Variants in AGAP9 observed in about 807,000 individuals in gnomAD.
The protein encoded by AGAP9 is arf-GAP with GTPase, ANK repeat and PH domain-containing protein 9.
Under a neutral mutation model 55.6 loss-of-function variants are expected in AGAP9, and 23 were observed. The ratio of observed to expected loss-of-function variants is 0.41; its 90% CI spans 0.30 to 0.59. AGAP9 has a LOEUF of 0.59. Among genes scored for constraint, AGAP9 ranks in the 20% least tolerant of loss-of-function variants. The pLI, the probability that AGAP9 is intolerant of heterozygous loss-of-function variation, is 0.25. For missense variants in AGAP9, 309 were observed against 808.1 expected (o/e 0.38, Z 7.49); for synonymous variants, 120 against 305.0 (o/e 0.39, Z 6.32).
In AGAP9 at chr10:47,507,577, G is replaced by A; in HGVS notation, c.504C>T (p.Thr168=). 1 of 1,529,490 alleles carries A rather than the reference G, an allele frequency of 6.5e-7. No homozygotes were observed. The highest frequency in any genetic ancestry group is 1.1e-5 in the South Asian group (1 of 87,482). 94.7% of individuals were successfully genotyped at this position (1,529,490 alleles called of 1,614,324 possible). Residue 168 remains threonine (T), a synonymous_variant, in exon 6 of 8, where the codon ACC becomes ACT. Coordinates refer to ENST00000452145, the MANE Select transcript of AGAP9 (RefSeq NM_001190810.1). ...HYLTMTIISV[T]LEIPHHITQR... ...GTGTGATATGATGAGGTATCTCCAA[G>A]GTCACACTGTGGAAGGAAAACAAAT...
rs1840508882 is a variant in AGAP9 at position 47,507,556 on chromosome 10, G to T, written c.525C>A (p.Ile175=). 19 of 1,527,148 alleles carry T rather than the reference G, an allele frequency of 1.2e-5. 4 individuals carry two copies. Among genetic ancestry groups the T allele is most frequent in the Non-Finnish European group, 1.5e-5 (17 of 1,140,328 alleles). 94.6% of individuals were successfully genotyped at this position (1,527,148 alleles called of 1,614,324 possible). A position where few individuals can be genotyped will look rare whatever the true frequency, so the allele number is the denominator to read the frequency against. ...GTTTCTAAAAAGCTCACCTTTGTGT[G>T]ATATGATGAGGTATCTCCAAGGTCA... ...ISVTLEIPHH[I]TQRDADRSLS... Residue 175 remains isoleucine (I), a synonymous_variant, in exon 6 of 8, where the codon ATC becomes ATA. Coordinates refer to ENST00000452145, the MANE Select transcript of AGAP9 (RefSeq NM_001190810.1).
chr10:47,502,307 C>G lies in AGAP9; in HGVS notation c.1822G>C (p.Ala608Pro), dbSNP rs1405833976. The change falls in exon 8 of 8, where the codon GCA becomes CCA. Residue 608 changes from alanine to proline, a missense_variant. Transcript: ENST00000452145. ...EDLQTAILLL[A>P]HGSREEVNET... ...TTCACCTCCTCACGGGAGCCATGTG[C>G]CAGCAGCAGGATGGCTGTCTGCAGG... 1.2e-6 allele frequency: 2 copies of G among 1,602,738 alleles called. No individual in the cohort carries two copies. The highest frequency in any genetic ancestry group is 3.4e-5 in the Admixed American group (2 of 58,980).
At chr10:47,507,884 G>A (rs1320299565) in intron 5 of AGAP9, among the ~76,000 whole-genome samples, 1 of 98,138 alleles carries the variant, frequency 1.0e-5, no homozygotes, top group Admixed American at 1.1e-4. Flanking sequence ...CGTCCCATGC[G>A]ATTTATTTTA....
Position 47,502,834 on chromosome 10 carries a change from T to C in AGAP9, c.1295A>G (p.Asp432Gly). The stretch of plus-strand genomic sequence containing the variant: ...GCTCTGGATGGCTTGGACCCAGGCA[T>C]CCCGCTCCTCATACGTCGTGGCTTC... ...HFEATTYEER[D>G]AWVQAIQSQI... is the part of the protein sequence containing the mutation. The change falls in exon 8 of 8, where the codon GAT becomes GGT. Residue 432 changes from aspartate (D) to glycine (G), a missense_variant. Asp to Gly is a moderately conservative substitution (Grantham distance 94). Transcript: ENST00000452145. The C allele has an allele frequency of 6.2e-7, 1 of 1,601,678 alleles. No homozygotes were observed. The highest frequency in any genetic ancestry group is 1.4e-5 in the African/African-American group (1 of 73,004).
intron 2 of AGAP9, among the ~76,000 whole-genome samples, chr10:47,520,807 C>A (rs1840808748): frequency 2.6e-5 from 2 of 76,518 alleles, no homozygotes; most frequent in Admixed American, 1.7e-4. Flanking sequence ...TTGAGGCCAG[C>A]ATGAGTAACA....
chr10:47,504,004 C>T (rs879049348), intron 7 of AGAP9, among the ~76,000 whole-genome samples, 185 bp downstream of exon 7: 7 of 115,548 alleles, frequency 6.1e-5, no homozygotes, highest in East Asian at 7.9e-4. Context: ...TATTTACTCA[C>T]ACTAGCTCAC....
intron 2 of AGAP9, among the ~76,000 whole-genome samples, chr10:47,522,266 A>C (rs1840863496): frequency 6.9e-6 from 1 of 144,222 alleles, no homozygotes; most frequent in African/African-American, 2.6e-5. Context: ...TTGACCGTGA[A>C]CCAATCCCCA....
intron 5 of AGAP9, among the ~76,000 whole-genome samples, chr10:47,508,158 G>A (rs1331564585): frequency 8.1e-5 from 8 of 98,674 alleles, no homozygotes; most frequent in Admixed American, 3.5e-4. Flanking sequence ...TCTGCCTCCC[G>A]GGTTCAAGAG....
Position 47,520,507 on chromosome 10 carries a change from T to C in AGAP9, c.353A>G (p.Gln118Arg). ...EASTIFQRNS[Q>R]TDVVEIRRSN... is the part of the protein sequence containing the mutation. ...AAACAATGTTGTCTCACCATCTGTT[T>C]GAGAGTTCCTCTGGAATATTGTGCT... The change falls in exon 3 of 8, where the codon CAA becomes CGA. Residue 118 changes from glutamine to arginine, a missense_variant. Physicochemically the swap from Gln to Arg is conservative, Grantham distance 43. Transcript: ENST00000452145. 3 of 1,513,178 alleles carry C rather than the reference T, an allele frequency of 2.0e-6. 1 individual carries two copies. The highest frequency in any genetic ancestry group is 2.6e-6 in the Non-Finnish European group (3 of 1,139,378). The allele number at this position is 1,513,178 out of a possible 1,614,324, so 93.7% of individuals were successfully genotyped here.
At chr10:47,514,378 TATC>T (rs1338302249) in intron 4 of AGAP9, among the ~76,000 whole-genome samples, 16 of 147,072 alleles carry the variant, frequency 1.1e-4, no homozygotes, top group Admixed American at 1.1e-3. Context: ...GAAAACCAAA[TATC>T]ATGTTCTCTT....
intron 2 of AGAP9, among the ~76,000 whole-genome samples, chr10:47,521,984 A>G (rs2132500968): frequency 6.6e-6 from 1 of 150,922 alleles, no homozygotes; most frequent in East Asian, 2.0e-4. Flanking sequence ...ACAGCGTTTC[A>G]CCATGTTGGC....
In AGAP9 at chr10:47,502,992, G is replaced by C. The variant is rs1405187271; in HGVS notation, c.1137C>G (p.Pro379=). The change falls in exon 8 of 8, where the codon CCC becomes CCG. Residue 379 remains proline, a synonymous_variant. Coordinates refer to ENST00000452145, the MANE Select transcript of AGAP9 (RefSeq NM_001190810.1). Reference sequence around the variant, plus strand: ...TGGGGCTGGTGGTGCTGGAGATACCGGGGCTGAAGCATATGGAGTCACCCA... The same window carrying C: ...TGGGGCTGGTGGTGCTGGAGATACCCGGGCTGAAGCATATGGAGTCACCCA... The part of the protein sequence containing the change: ...TGLGDSICFS[P]GISSTTSPKL... 57 of 1,562,056 alleles carry C rather than the reference G, an allele frequency of 3.6e-5. 5 individuals are homozygous for C. Among genetic ancestry groups the C allele is most frequent in the Non-Finnish European group, 4.3e-5 (50 of 1,151,892 alleles).
At chr10:47,506,902 G>GTGCTGGGA (rs1840492257) in intron 6 of AGAP9, among the ~76,000 whole-genome samples, 2 of 133,958 alleles carry the variant, frequency 1.5e-5, no homozygotes, top group South Asian at 5.1e-4. Context: ...GCCTCCCAAA[G>GTGCTGGGA]TGCTGGGATT....
chr10:47,510,829 CAAA>C (rs1180008752), intron 4 of AGAP9, among the ~76,000 whole-genome samples: 1 of 27,344 alleles, frequency 3.7e-5, no homozygotes, highest in Non-Finnish European at 6.3e-5. Flanking sequence ...GACTCCGTCT[CAAA>C]AAAAAAAAAA....
chr10:47,521,608 T>C (rs1840838974), intron 2 of AGAP9, among the ~76,000 whole-genome samples: 1 of 144,570 alleles, frequency 6.9e-6, no homozygotes, highest in South Asian at 2.2e-4. Context: ...CAATGTTTTC[T>C]ATTTTGAAAA....
In AGAP9 at chr10:47,522,874, T is replaced by G; in HGVS notation, c.284A>C (p.Gln95Pro). 1 of 456,826 alleles carries G rather than the reference T, an allele frequency of 2.2e-6. No homozygotes were observed. Among genetic ancestry groups the G allele is most frequent in the Non-Finnish European group, 3.6e-6 (1 of 280,034 alleles). The allele number at this position is 456,826 out of a possible 1,614,324, so 28.3% of individuals were successfully genotyped here. A position where few individuals can be genotyped will look rare whatever the true frequency, so the allele number is the denominator to read the frequency against. ...AGACACTGTTGTCTCACCATCTGTT[T>G]GAGAGTTCCTCTGGAATATTGTGCT... ...EASTIFQRNS[Q>P]TDALEFNSSA... is the part of the protein sequence containing the mutation. Residue 95 changes from glutamine (Q) to proline (P), a missense_variant, in exon 2 of 8, where the codon CAA becomes CCA. Transcript: ENST00000452145.
intron 2 of AGAP9, among the ~76,000 whole-genome samples, chr10:47,522,244 C>A (rs1238492507): frequency 1.4e-5 from 2 of 142,940 alleles, no homozygotes; most frequent in East Asian, 2.7e-4. Context: ...CGTTTCATGT[C>A]TTTTGAAAGT....
At chr10:47,510,823 C>A (rs1265952124) in intron 4 of AGAP9, among the ~76,000 whole-genome samples, 8 of 87,996 alleles carry the variant, frequency 9.1e-5, no homozygotes, top group Non-Finnish European at 1.2e-4. Flanking sequence ...AAGTGAGACT[C>A]CGTCTCAAAA....
In AGAP9 at chr10:47,507,530, G is replaced by C. The variant is rs1840508309; in HGVS notation, c.533+18C>G. 3 of 1,521,162 alleles carry C rather than the reference G, an allele frequency of 2.0e-6. No individual in the cohort carries two copies. The allele number at this position is 1,521,162 out of a possible 1,614,324, so 94.2% of individuals were successfully genotyped here. On this transcript the variant is annotated intron_variant, in intron 6 of 7. Coordinates refer to ENST00000452145, the MANE Select transcript of AGAP9 (RefSeq NM_001190810.1). ...AGTAATTAGCTAGAATAACAAGACA[G>C]GTTTCTAAAAAGCTCACCTTTGTGT...
Sources: allele counts gnomAD v4.1 joint callset (sites outside exome capture counted in the v4.1 genomes callset), GRCh38; gene constraint gnomAD v4.1.1; transcripts MANE v1.5; gene names NCBI Gene and HGNC (gene_info 2026-07-23, HGNC 2026-07-21).